The following MEIKIN variants were observed in gnomAD, a reference collection of about 807,000 sequenced individuals.
The protein encoded by MEIKIN is meiotic kinetochore factor.
At chr5:131,846,210 T>C (rs1373229062) in intron 11 of MEIKIN, among the ~76,000 whole-genome samples, 1 of 152,138 alleles carries the variant, frequency 6.6e-6, no homozygotes. Flanking sequence ...AATTAAGACA[T>C]TCCCAGATAA....
chr5:131,928,454 C>T (rs73786706), intron 5 of MEIKIN, among the ~76,000 whole-genome samples: 4,046 of 152,106 alleles, frequency 0.027, 188 homozygotes, highest in African/African-American at 0.092. Flanking sequence ...ATCGGGCTTA[C>T]GTAAAATCTT....
intron 9 of MEIKIN, among the ~76,000 whole-genome samples, chr5:131,873,230 C>T (rs953210866): frequency 1.3e-5 from 2 of 152,198 alleles, no homozygotes; most frequent in Non-Finnish European, 2.9e-5. Context: ...CAAGACCCAT[C>T]AGTGTGCTGT....
intron 6 of MEIKIN, among the ~76,000 whole-genome samples, chr5:131,917,385 G>A (rs1751430512): frequency 6.6e-6 from 1 of 151,922 alleles, no homozygotes. Flanking sequence ...AGGCAACATG[G>A]TGAAACCCCA....
chr5:131,891,014 T>C (rs979821826), intron 8 of MEIKIN, among the ~76,000 whole-genome samples: 32 of 152,354 alleles, frequency 2.1e-4, no homozygotes, highest in African/African-American at 6.7e-4. Flanking sequence ...AGTTTCCATG[T>C]AGTTGAGCGG....
At chr5:131,917,326 G>T (rs1225080901) in intron 6 of MEIKIN, among the ~76,000 whole-genome samples, 1 of 151,942 alleles carries the variant, frequency 6.6e-6, no homozygotes, top group African/African-American at 2.4e-5. Flanking sequence ...AACACTTTTG[G>T]GGACCGAGGC....
chr5:131,823,193 C>T (rs1171516361), intron 11 of MEIKIN, among the ~76,000 whole-genome samples: 1 of 151,984 alleles, frequency 6.6e-6, no homozygotes, highest in Non-Finnish European at 1.5e-5. Context: ...CTGCTTGGTG[C>T]TCTACAAACT....
intron 9 of MEIKIN, among the ~76,000 whole-genome samples, chr5:131,864,900 C>T (rs1413596182): frequency 1.3e-5 from 2 of 152,140 alleles, no homozygotes; most frequent in Non-Finnish European, 2.9e-5. Flanking sequence ...GAAGGCATTG[C>T]TCATTCTTGT....
At chr5:131,878,368 C>A (rs1750650151) in intron 9 of MEIKIN, among the ~76,000 whole-genome samples, 1 of 152,090 alleles carries the variant, frequency 6.6e-6, no homozygotes, top group Non-Finnish European at 1.5e-5. Flanking sequence ...GAGATCGAGT[C>A]CATCCTGGCT....
chr5:131,847,433 T>C (rs1414546785), intron 11 of MEIKIN, among the ~76,000 whole-genome samples: 4 of 151,946 alleles, frequency 2.6e-5, no homozygotes, highest in African/African-American at 9.7e-5. Context: ...CAAAAGGTTA[T>C]AAGAGACAAA....
At chr5:131,898,390 C>T (rs1751091206) in intron 8 of MEIKIN, among the ~76,000 whole-genome samples, 1 of 152,242 alleles carries the variant, frequency 6.6e-6, no homozygotes. Flanking sequence ...CAGGGACCCA[C>T]TTGAGGAGGC....
At chr5:131,868,629 G>A (rs1302642463) in intron 9 of MEIKIN, among the ~76,000 whole-genome samples, 3 of 151,704 alleles carry the variant, frequency 2.0e-5, no homozygotes, top group Non-Finnish European at 4.4e-5. Flanking sequence ...GCAGTGTGCA[G>A]AGGTGTGGTC....
intron 4 of MEIKIN, among the ~76,000 whole-genome samples, chr5:131,938,720 A>C (rs1358617147): frequency 6.6e-6 from 1 of 152,176 alleles, no homozygotes; most frequent in African/African-American, 2.4e-5. Context: ...ACATTTTTCC[A>C]TCATCCTGAG....
At chr5:131,830,720 A>T (rs142088568) in intron 11 of MEIKIN, among the ~76,000 whole-genome samples, 2 of 152,316 alleles carry the variant, frequency 1.3e-5, no homozygotes, top group African/African-American at 4.8e-5. Context: ...ACCAGAACTG[A>T]AAAACATACA....
At position 131,921,879 on chromosome 5, in the gene MEIKIN, T is replaced by G; in HGVS notation, c.541A>C (p.Ser181Arg). 1 of 399,014 alleles carries G rather than the reference T, an allele frequency of 2.5e-6. No individual in the cohort carries two copies. The highest frequency in any genetic ancestry group is 4.4e-5 in the Admixed American group (1 of 22,742). The allele number at this position is 399,014 out of a possible 1,614,324, so 24.7% of individuals were successfully genotyped here. Residue 181 changes from serine to arginine, a missense_variant, in exon 6 of 13, where the codon AGT becomes CGT. Coordinates refer to ENST00000442687, the MANE Select transcript of MEIKIN (RefSeq NM_001303622.2). ...QWKNSTLLDT[S>R]KAVAIEKAPQ... ...GCCTTCTCTATCGCTACTGCTTTACTGGTATCCAGAAGAGTAGAATTCTTC... is the reference window on the plus strand; with the variant it reads ...GCCTTCTCTATCGCTACTGCTTTACGGGTATCCAGAAGAGTAGAATTCTTC...
intron 9 of MEIKIN, among the ~76,000 whole-genome samples, chr5:131,875,945 T>C (rs1411912089): frequency 1.3e-5 from 2 of 152,196 alleles, no homozygotes; most frequent in Non-Finnish European, 2.9e-5. Flanking sequence ...TAGCCATATG[T>C]AGAAAGCTGA....
intron 8 of MEIKIN, among the ~76,000 whole-genome samples, chr5:131,900,239 G>C (rs1375392908): frequency 6.6e-6 from 1 of 152,230 alleles, no homozygotes; most frequent in African/African-American, 2.4e-5. Flanking sequence ...GTCGCTGAGG[G>C]AATGGGACAT....
intron 11 of MEIKIN, among the ~76,000 whole-genome samples, chr5:131,837,781 T>C (rs1284123738): frequency 6.6e-6 from 1 of 152,136 alleles, no homozygotes; most frequent in East Asian, 1.9e-4. Flanking sequence ...GTTTTCTAGA[T>C]ATATGATCAT....
At chr5:131,942,238 T>C (rs1398342172) in intron 4 of MEIKIN, among the ~76,000 whole-genome samples, 1 of 152,248 alleles carries the variant, frequency 6.6e-6, no homozygotes, top group Non-Finnish European at 1.5e-5. Context: ...ATACTGGCCT[T>C]CTTCAGTTAC....
Position 131,851,328 on chromosome 5 carries a change from C to G in MEIKIN, c.911G>C (p.Ser304Thr). Reference sequence around the variant, plus strand: ...AATTTCATTTGAATTAACATAATTGCTGACATTTGGAAATAGTTCTTCAAA... The same window carrying G: ...AATTTCATTTGAATTAACATAATTGGTGACATTTGGAAATAGTTCTTCAAA... Reference protein sequence around the residue: ...ASFEELFPNVSNYVNSNEIVP... With the variant: ...ASFEELFPNVTNYVNSNEIVP... The change falls in exon 11 of 13, where the codon AGC (serine) becomes ACC (threonine). Residue 304 changes from serine to threonine, a missense_variant. Physicochemically the swap from Ser to Thr is moderately conservative, Grantham distance 58. Transcript: ENST00000442687. The G allele has an allele frequency of 7.5e-6, 3 of 398,184 alleles. No homozygotes were observed. The highest frequency in any genetic ancestry group is 8.9e-6 in the Non-Finnish European group (2 of 225,568). 24.7% of individuals were successfully genotyped at this position (398,184 alleles called of 1,614,324 possible).
Sources: gnomAD v4.1 joint callset for allele counts (sites outside exome capture counted in the v4.1 genomes callset) on GRCh38, gnomAD v4.1.1 for gene constraint, MANE v1.5 for transcripts, NCBI Gene and HGNC (gene_info 2026-07-23, HGNC 2026-07-21) for gene names.